Variants in EPB41 observed in about 807,000 individuals in gnomAD.
The protein encoded by EPB41 is protein 4.1.
Under a neutral mutation model 108.0 loss-of-function variants are expected in EPB41, and 65 were observed. That is an observed-to-expected ratio of 0.60 (90% CI 0.49 to 0.74). The LOEUF is 0.74. EPB41 is among the 30% of genes least tolerant of loss of function. The pLI is 0.00. For synonymous variants in EPB41, 336 were observed against 358.9 expected, an observed-to-expected ratio of 0.94 and a Z score of 0.72; for missense variants, 875 against 1,037.0, an observed-to-expected ratio of 0.84 and a Z score of 2.15.
At chr1:29,013,801 T>A (rs980276430) in intron 5 of EPB41, among the ~76,000 whole-genome samples, 1 of 151,090 alleles carries the variant, frequency 6.6e-6, no homozygotes, top group Non-Finnish European at 1.5e-5. Context: ...AGTGTTGGGA[T>A]TACAGGCGTG....
At chr1:28,988,271 G>A (rs1375650519) in intron 2 of EPB41, among the ~76,000 whole-genome samples, 1 of 151,980 alleles carries the variant, frequency 6.6e-6, no homozygotes, top group African/African-American at 2.4e-5. Context: ...AACAACGGGG[G>A]GATAAAAAAA....
intron 1 of EPB41, among the ~76,000 whole-genome samples, chr1:28,894,232 ACCAGG>A (rs1557607704): frequency 7.2e-5 from 11 of 152,332 alleles, no homozygotes; most frequent in Admixed American, 1.3e-4. Context: ...TCATCTGTTC[ACCAGG>A]TGCTGTATCT....
At chr1:29,097,726 T>A in intron 16 of EPB41, 81 bp from the exon 17 acceptor site, 1 of 1,526,026 alleles carries the variant, frequency 6.6e-7, no homozygotes, top group South Asian at 1.1e-5. Flanking sequence ...AAGCTAACAC[T>A]TTGATCAGAT....
intron 1 of EPB41, among the ~76,000 whole-genome samples, chr1:28,934,457 A>G (rs1252694119): frequency 6.6e-6 from 1 of 152,144 alleles, no homozygotes; most frequent in African/African-American, 2.4e-5. Context: ...AGGGCAAAAT[A>G]TCTACACAAA....
chr1:29,114,632 C>T (rs1670273408), intron 19 of EPB41, among the ~76,000 whole-genome samples: 1 of 107,184 alleles, frequency 9.3e-6, no homozygotes, highest in Non-Finnish European at 1.9e-5. Context: ...AGTGAGACTC[C>T]GTCTAAAAAA....
chr1:28,960,400 A>G (rs1023517767), intron 1 of EPB41, among the ~76,000 whole-genome samples: 4 of 151,716 alleles, frequency 2.6e-5, no homozygotes, highest in African/African-American at 9.7e-5. Context: ...CTTGAGCTAT[A>G]TAGGATTTAT....
At chr1:28,973,600 G>T (rs1273087374) in intron 1 of EPB41, among the ~76,000 whole-genome samples, 1 of 152,008 alleles carries the variant, frequency 6.6e-6, no homozygotes, top group Non-Finnish European at 1.5e-5. Context: ...TTGCTGTGTT[G>T]CCCAGGCTGG....
intron 1 of EPB41, among the ~76,000 whole-genome samples, chr1:28,938,444 AT>A (rs1188320284): frequency 1.3e-5 from 2 of 151,652 alleles, no homozygotes; most frequent in African/African-American, 2.4e-5. Flanking sequence ...ATTCCCAAGT[AT>A]TTCATTATTT....
chr1:29,038,671 G>C (rs1640388417), intron 10 of EPB41, among the ~76,000 whole-genome samples: 1 of 152,210 alleles, frequency 6.6e-6, no homozygotes, highest in South Asian at 2.1e-4. Context: ...TCTTATAGGG[G>C]AGACCAGCAT....
chr1:29,069,479 A>G lies in EPB41; in HGVS notation c.2184+4321A>G, dbSNP rs190299267. On this transcript the variant is annotated intron_variant, in intron 16 of 20. Transcript: ENST00000343067. ...TTGTTTTGGTGAACCTTGGAGGGAC[A>G]TTATAAACTTTTATACTTTTTGTTT... 1,543 of 1,198,944 alleles carry G rather than the reference A, an allele frequency of 1.3e-3. 21 individuals are homozygous for G. In the African/African-American group the frequency reaches 0.021, roughly 17 times the overall value. The allele number at this position is 1,198,944 out of a possible 1,614,324, so 74.3% of individuals were successfully genotyped here. A position where few individuals can be genotyped will look rare whatever the true frequency, so the allele number is the denominator to read the frequency against.
At chr1:29,002,621 A>G (rs1310115300) in intron 4 of EPB41, among the ~76,000 whole-genome samples, 1 of 152,242 alleles carries the variant, frequency 6.6e-6, no homozygotes, top group Non-Finnish European at 1.5e-5. Context: ...AGAACAGTGT[A>G]TCTTTTACTT....
intron 1 of EPB41, among the ~76,000 whole-genome samples, chr1:28,984,620 T>A (rs2149483953): frequency 6.6e-6 from 1 of 152,216 alleles, no homozygotes; most frequent in Admixed American, 6.5e-5. Flanking sequence ...ATTTATCAGA[T>A]ATATTCAGTG....
intron 1 of EPB41, chr1:28,890,000 ATTTTATTTTAT>A (rs1292748739): frequency 7.0e-6 from 1 of 143,824 alleles, no homozygotes; most frequent in Admixed American, 7.1e-5. Context: ...AGATTCTGAT[ATTTTATTTTAT>A]TTTTATTTTT....
chr1:28,929,954 G>T (rs2093656843), intron 1 of EPB41, among the ~76,000 whole-genome samples: 1 of 148,334 alleles, frequency 6.7e-6, no homozygotes, highest in Non-Finnish European at 1.5e-5. Flanking sequence ...TGTTTATGGG[G>T]TTGTGCAGCC....
At chr1:29,060,515 G>C in intron 15 of EPB41, 31 bp downstream of exon 15, 1 of 1,587,916 alleles carries the variant, frequency 6.3e-7, no homozygotes, top group Non-Finnish European at 8.6e-7. Flanking sequence ...TATTTCAGTT[G>C]GTTGCCTGGA....
chr1:29,108,236 C>T (rs1356243875), intron 17 of EPB41, among the ~76,000 whole-genome samples: 1 of 150,150 alleles, frequency 6.7e-6, no homozygotes, highest in Non-Finnish European at 1.5e-5. Flanking sequence ...ACAACCTCTG[C>T]CTCCTGGGTT....
rs1053920339 is a variant in EPB41, at chr1:29,069,064, C to G, written c.2184+3906C>G. On this transcript the variant is annotated intron_variant, in intron 16 of 20. Transcript: ENST00000343067. ...GAGAGAAAATGAATTTAATTATACC[C>G]TATTCTTTTTATGTTGTCTTTCTTC... is the stretch of plus-strand genomic sequence containing the variant. 7.9e-6 allele frequency: 7 copies of G among 885,414 alleles called. No individual in the cohort carries two copies. The African/African-American group carries it at 1.2e-4, about 15-fold the overall frequency. 54.8% of individuals were successfully genotyped at this position (885,414 alleles called of 1,614,324 possible).
intron 16 of EPB41, chr1:29,066,029 C>CT (rs1184429924): frequency 2.7e-5 from 4 of 148,686 alleles, no homozygotes; most frequent in African/African-American, 1.0e-4. Flanking sequence ...TAATATTAAA[C>CT]TTTTAATACA....
At chr1:28,992,185 C>T (rs543300748) in intron 2 of EPB41, among the ~76,000 whole-genome samples, 24 of 152,220 alleles carry the variant, frequency 1.6e-4, no homozygotes, top group African/African-American at 5.5e-4. Context: ...CATGAAAGAT[C>T]GGAAGGAGTC....
Sources: allele counts gnomAD v4.1 joint callset (sites outside exome capture counted in the v4.1 genomes callset), GRCh38; gene constraint gnomAD v4.1.1; transcripts MANE v1.5; gene names NCBI Gene and HGNC (gene_info 2026-07-23, HGNC 2026-07-21).